Variants in UBR1 observed in about 807,000 individuals in gnomAD.
The protein encoded by UBR1 is ubiquitin protein ligase E3 component n-recognin 1, also known as E3 ubiquitin-protein ligase UBR1.
In UBR1, 102 loss-of-function variants were observed where a neutral mutation model predicts 242.1. The observed-to-expected ratio is 0.42, with a 90% CI of 0.36 to 0.50. UBR1 has a LOEUF of 0.50. UBR1 is among the 20% of genes least tolerant of loss of function. The pLI is 0.01. For synonymous variants in UBR1, 675 were observed against 684.8 expected, an observed-to-expected ratio of 0.99 and a Z score of 0.22; for missense variants, 1,772 against 2,101.8, an observed-to-expected ratio of 0.84 and a Z score of 3.07.
intron 44 of UBR1, among the ~76,000 whole-genome samples, chr15:42,957,269 CA>C (rs2031936465): frequency 6.6e-6 from 1 of 152,080 alleles, no homozygotes; most frequent in South Asian, 2.1e-4. Context: ...AAGCCAAACA[CA>C]AAAGGTCATA....
chr15:42,984,072 A>C, intron 36 of UBR1, 79 bp from the exon 37 acceptor site: 2 of 1,061,518 alleles, frequency 1.9e-6, no homozygotes, highest in Non-Finnish European at 2.8e-6. Context: ...AGTTGGTAAA[A>C]ACCAACTCTA....
chr15:42,988,583 T>C, intron 35 of UBR1: 1 of 528,248 alleles, frequency 1.9e-6, no homozygotes, highest in Non-Finnish European at 3.3e-6. Flanking sequence ...TGCCCAGCTT[T>C]TTAAAAATAT....
chr15:43,088,500 TC>T (rs1478541318), intron 1 of UBR1, among the ~76,000 whole-genome samples: 2 of 152,016 alleles, frequency 1.3e-5, no homozygotes, highest in African/African-American at 4.8e-5. Context: ...TTTCTTTCTT[TC>T]TTTTTTTTTT....
intron 4 of UBR1, among the ~76,000 whole-genome samples, chr15:43,071,229 G>A (rs1189773953): frequency 1.3e-5 from 2 of 152,096 alleles, no homozygotes; most frequent in Admixed American, 6.6e-5. Context: ...ATGATATCAC[G>A]TAACAACTGT....
At chr15:43,083,616 A>T (rs1041334594) in intron 2 of UBR1, among the ~76,000 whole-genome samples, 1 of 151,940 alleles carries the variant, frequency 6.6e-6, no homozygotes, top group Non-Finnish European at 1.5e-5. Context: ...TCCTGACCTC[A>T]AGTGATCTGC....
Position 42,955,046 on chromosome 15 carries a change from A to G in UBR1, c.4836-2598T>C, listed in dbSNP as rs562597782. Among the ~76,000 whole-genome samples, 12 of 152,234 alleles carry G rather than the reference A, an allele frequency of 7.9e-5. No homozygotes were observed. In the East Asian group the frequency reaches 2.3e-3, roughly 30 times the overall value. Reference sequence around the variant, plus strand: ...GCCAGGAGTGGTGGCGGGTGCCTGTAATCCCAGCTACTCGGAAGGCTGAGG... The same window carrying G: ...GCCAGGAGTGGTGGCGGGTGCCTGTGATCCCAGCTACTCGGAAGGCTGAGG... On this transcript the variant is annotated intron_variant, in intron 44 of 46. Coordinates refer to ENST00000290650, the MANE Select transcript of UBR1 (RefSeq NM_174916.3).
intron 9 of UBR1, 103 bp downstream of exon 9, chr15:43,058,982 G>A (rs1419190894): frequency 2.2e-6 from 2 of 908,870 alleles, no homozygotes; most frequent in African/African-American, 3.3e-5. Context: ...CAAGATTACA[G>A]ATTTAATAAC....
rs2032294795 is a variant in UBR1 at position 42,976,712 on chromosome 15, C to G, written c.4369+5G>C. The G allele has an allele frequency of 6.2e-7, 1 of 1,613,848 alleles. No homozygotes were observed. Among genetic ancestry groups the G allele is most frequent in the African/African-American group, 1.3e-5 (1 of 74,884 alleles). On this transcript the variant is annotated splice_donor_5th_base_variant and intron_variant, in intron 39 of 46. Transcript: ENST00000290650. ...TCACAGTCAACACCCAGATGAAAAC[C>G]TTACCTGTGTCTACTGTAAGTAGTA...
At chr15:43,029,451 C>T (rs75343399) in intron 21 of UBR1, among the ~76,000 whole-genome samples, 2,582 of 152,264 alleles carry the variant, frequency 0.017, 71 homozygotes, top group African/African-American at 0.058. Context: ...GAGATACTAA[C>T]GCAGGCTCAT....
chr15:43,006,279 T>C (rs1175648152), intron 30 of UBR1, among the ~76,000 whole-genome samples: 1 of 152,154 alleles, frequency 6.6e-6, no homozygotes, highest in Non-Finnish European at 1.5e-5. Context: ...GAGGATTAAG[T>C]AAGTAAATAC....
intron 35 of UBR1, 127 bp downstream of exon 35, chr15:42,988,692 T>C (rs2032511825): frequency 7.6e-7 from 1 of 1,308,214 alleles, no homozygotes; most frequent in African/African-American, 1.5e-5. Flanking sequence ...ACTAATACAC[T>C]GAAATACTAA....
chr15:43,002,825 A>G, intron 31 of UBR1, 121 bp from the exon 32 acceptor site: 2 of 1,209,946 alleles, frequency 1.7e-6, no homozygotes, highest in East Asian at 2.5e-5. Context: ...AAACATCTTT[A>G]GAACATACAT....
chr15:42,959,913 G>A (rs1332057141), intron 43 of UBR1, among the ~76,000 whole-genome samples: 2 of 152,198 alleles, frequency 1.3e-5, no homozygotes, highest in African/African-American at 4.8e-5. Context: ...ACAGGAAAAT[G>A]GTACTAGTGT....
At chr15:43,015,649 A>C in intron 29 of UBR1, 39 bp downstream of exon 29, 1 of 1,608,216 alleles carries the variant, frequency 6.2e-7, no homozygotes, top group South Asian at 1.1e-5. Flanking sequence ...TTTAAAAAAA[A>C]AAAATTGAGT....
chr15:42,945,840 C>T (rs925479458), intron 46 of UBR1, among the ~76,000 whole-genome samples: 10 of 152,158 alleles, frequency 6.6e-5, no homozygotes, highest in African/African-American at 2.4e-4. Context: ...GATCTTTGCA[C>T]AGTAGAGGTT....
intron 26 of UBR1, 148 bp downstream of exon 26, chr15:43,022,554 G>A: frequency 2.0e-6 from 1 of 501,074 alleles, no homozygotes; most frequent in East Asian, 3.5e-5. Context: ...AGAATGCTAG[G>A]AAAAAAATTA....
intron 19 of UBR1, among the ~76,000 whole-genome samples, chr15:43,033,939 A>G (rs1303057503): frequency 6.6e-6 from 1 of 152,066 alleles, no homozygotes; most frequent in Non-Finnish European, 1.5e-5. Context: ...CCTCGACTCT[A>G]CTAAAAATAC....
chr15:42,960,751 G>C, intron 42 of UBR1, 50 bp from the exon 43 acceptor site: 1 of 1,565,590 alleles, frequency 6.4e-7, no homozygotes, highest in Non-Finnish European at 8.8e-7. Flanking sequence ...CAGCTTCAAT[G>C]CATGATTTGT....
At chr15:43,048,244 C>A in intron 13 of UBR1, 148 bp downstream of exon 13, 1 of 633,760 alleles carries the variant, frequency 1.6e-6, no homozygotes, top group Non-Finnish European at 2.7e-6. Context: ...TCTATCAAAA[C>A]AGGATGAGTG....
Sources: gnomAD v4.1 joint callset for allele counts (sites outside exome capture counted in the v4.1 genomes callset) on GRCh38, gnomAD v4.1.1 for gene constraint, MANE v1.5 for transcripts, NCBI Gene and HGNC (gene_info 2026-07-23, HGNC 2026-07-21) for gene names.